INPPL1: variants seen among roughly 807,000 people sequenced by gnomAD.
The protein encoded by INPPL1 is phosphatidylinositol 3,4,5-trisphosphate 5-phosphatase 2.
Under a neutral mutation model 139.3 loss-of-function variants are expected in INPPL1, and 91 were observed. The observed-to-expected ratio is 0.65, with a 90% CI of 0.55 to 0.78. The LOEUF is 0.78. INPPL1 is among the 30% of genes least tolerant of loss of function. The probability of loss-of-function intolerance (pLI) is 0.00; values close to 1 mark genes in which losing one functional copy is unlikely to be tolerated. For missense variants in INPPL1, 1,411 were observed against 1,665.6 expected (o/e 0.85, Z 2.66); for synonymous variants, 719 against 686.6 (o/e 1.05, Z -0.74).
chr11:72,228,534 G>T lies in INPPL1; in HGVS notation c.397+36G>T. On this transcript the variant is annotated intron_variant, in intron 3 of 27. Transcript: ENST00000298229. This position sits in a 1 kb window ranked among gnomAD's most constrained non-coding sequence, Gnocchi z 5.0. ...GTGTGCAGGTCCCCTCCCTGCCCCT[G>T]TCCCTTGGCTCTACCTGCCTCTTCC... The T allele has an allele frequency of 6.3e-7, 1 of 1,597,636 alleles. No individual in the cohort carries two copies.
intron 13 of INPPL1, among the ~76,000 whole-genome samples, chr11:72,232,038 C>A (rs1948848918): frequency 6.6e-6 from 1 of 152,162 alleles, no homozygotes; most frequent in East Asian, 1.9e-4. Context: ...CAGACTCAGG[C>A]CATCCACACA....
Position 72,234,796 on chromosome 11 carries a change from T to C in INPPL1, c.2415+181T>C, listed in dbSNP as rs576630463. Among the ~76,000 whole-genome samples the C allele has an allele frequency of 1.2e-4, 18 of 151,520 alleles. No homozygotes were observed. Among genetic ancestry groups the C allele is most frequent in the Admixed American group, 3.9e-4 (6 of 15,214 alleles). On this transcript the variant is annotated intron_variant, in intron 21 of 27. Transcript: ENST00000298229. This position sits in a 1 kb window ranked among gnomAD's most constrained non-coding sequence, Gnocchi z 4.2. Reference sequence around the variant, plus strand: ...ATGGGCATGAGTGAGGATAAAGGCGTTTGCTTTATTTTGGGAGTGTGGAAC... The same window carrying C: ...ATGGGCATGAGTGAGGATAAAGGCGCTTGCTTTATTTTGGGAGTGTGGAAC...
chr11:72,225,763 T>C (rs1316957411), intron 1 of INPPL1, among the ~76,000 whole-genome samples: 2 of 152,216 alleles, frequency 1.3e-5, no homozygotes, highest in Non-Finnish European at 2.9e-5. Context: ...GTTTGAGCCC[T>C]GGCTCTGGGC....
chr11:72,237,932 G>A (rs1036962914), intron 26 of INPPL1, 110 bp from the exon 27 acceptor site: 1 of 1,446,960 alleles, frequency 6.9e-7, no homozygotes, highest in Non-Finnish European at 9.1e-7. Flanking sequence ...GGAGACACAT[G>A]TATCAGCCCA....
chr11:72,226,177 C>CTTT (rs772547413), intron 1 of INPPL1, among the ~76,000 whole-genome samples: 7 of 129,798 alleles, frequency 5.4e-5, no homozygotes, highest in Non-Finnish European at 6.5e-5. Context: ...CAGGGGAGAC[C>CTTT]TTTTTTTTTT....
chr11:72,232,141 A>G, intron 13 of INPPL1, 99 bp from the exon 14 acceptor site: 1 of 949,290 alleles, frequency 1.1e-6, no homozygotes, highest in Non-Finnish European at 1.7e-6. Flanking sequence ...TGGTGGGCTC[A>G]GCGGGAGGAT....
Position 72,225,337 on chromosome 11 carries a change from G to A in INPPL1, c.182+171G>A, listed in dbSNP as rs551482729. The A allele has an allele frequency of 1.5e-5, 15 of 985,428 alleles. No homozygotes were observed. In the African/African-American group the frequency reaches 2.6e-4, roughly 17 times the overall value. 61.0% of individuals were successfully genotyped at this position (985,428 alleles called of 1,614,324 possible). ...CCTGGGTCTGAGGAGGGACGCAGGG[G>A]CACTTCCTGCTGTGTGTCTGGGGGC... is the stretch of plus-strand genomic sequence containing the variant. On this transcript the variant is annotated intron_variant, in intron 1 of 27. Coordinates refer to ENST00000298229, the MANE Select transcript of INPPL1 (RefSeq NM_001567.4).
chr11:72,238,480 A>AT lies in INPPL1; in HGVS notation c.*130dup. 1.4e-6 allele frequency: 1 copy of AT among 706,486 alleles called. No homozygotes were observed. 43.8% of individuals were successfully genotyped at this position (706,486 alleles called of 1,614,324 possible). A position where few individuals can be genotyped will look rare whatever the true frequency, so the allele number is the denominator to read the frequency against. ...TCTCTGCCTATTTATTGGGGTGCCT[A>AT]TTTATTGGGGATCTGCATTCCCCGC... On this transcript the variant is annotated 3_prime_UTR_variant, in exon 28 of 28. Transcript: ENST00000298229.
At position 72,234,969 on chromosome 11, in the gene INPPL1, A is replaced by G. The variant is rs1948943680; in HGVS notation, c.2416-147A>G. ...GTATAGGGCTGTGTCTTCTGCATTAAGGATTTGGCTCTTCTCTGAAGAGTT... is the reference window on the plus strand; with the variant it reads ...GTATAGGGCTGTGTCTTCTGCATTAGGGATTTGGCTCTTCTCTGAAGAGTT... On this transcript the variant is annotated intron_variant, in intron 21 of 27. Coordinates refer to ENST00000298229, the MANE Select transcript of INPPL1 (RefSeq NM_001567.4). This position sits in a 1 kb window ranked among gnomAD's most constrained non-coding sequence, Gnocchi z 4.2. 1 of 667,990 alleles carries G rather than the reference A, an allele frequency of 1.5e-6. No individual in the cohort carries two copies. Among genetic ancestry groups the G allele is most frequent in the Non-Finnish European group, 2.6e-6 (1 of 380,050 alleles). The allele number at this position is 667,990 out of a possible 1,614,324, so 41.4% of individuals were successfully genotyped here. A position where few individuals can be genotyped will look rare whatever the true frequency, so the allele number is the denominator to read the frequency against.
At position 72,230,826 on chromosome 11, in the gene INPPL1, C is replaced by A; in HGVS notation, c.1228C>A (p.Leu410Ile). 6.2e-7 allele frequency: 1 copy of A among 1,614,022 alleles called. No individual in the cohort carries two copies. Among genetic ancestry groups the A allele is most frequent in the South Asian group, 1.1e-5 (1 of 91,078 alleles). Residue 410 changes from leucine to isoleucine, a missense_variant, in exon 11 of 28, where the codon CTC becomes ATC. Transcript: ENST00000298229. ...KREAFCQLLQ[L>I]MKNKHSKQDE... ...GGAGGCCTTCTGCCAGCTGTTGCAGCTCATGAAGAACAAGCACTCCAAGCA... is the reference window on the plus strand; with the variant it reads ...GGAGGCCTTCTGCCAGCTGTTGCAGATCATGAAGAACAAGCACTCCAAGCA...
chr11:72,227,637 C>T (rs1948709985), intron 1 of INPPL1, among the ~76,000 whole-genome samples: 1 of 152,170 alleles, frequency 6.6e-6, no homozygotes, highest in Non-Finnish European at 1.5e-5. Flanking sequence ...GCTTGGGGCT[C>T]CTAGAGGCCC....
In INPPL1 at chr11:72,233,739, A is replaced by G. The variant is rs1484070254; in HGVS notation, c.2207A>G (p.Lys736Arg). 14 of 1,613,658 alleles carry G rather than the reference A, an allele frequency of 8.7e-6. No individual in the cohort carries two copies. The highest frequency in any genetic ancestry group is 1.2e-5 in the Non-Finnish European group (14 of 1,179,666). ...EVGVTSQFIS[K>R]KGLSKTSDQA... is the part of the protein sequence containing the mutation. Reference sequence around the variant, plus strand: ...GGAGTTACCTCCCAGTTCATCTCCAAGAAAGGTGACTGTTCCAGATATGCT... The same window carrying G: ...GGAGTTACCTCCCAGTTCATCTCCAGGAAAGGTGACTGTTCCAGATATGCT... Residue 736 changes from lysine (K) to arginine (R), a missense_variant, in exon 19 of 28, where the codon AAG becomes AGG. Coordinates refer to ENST00000298229, the MANE Select transcript of INPPL1 (RefSeq NM_001567.4).
chr11:72,223,885 C>T (rs1245890742), upstream of INPPL1: 3 of 151,520 alleles, frequency 2.0e-5, no homozygotes, highest in African/African-American at 7.3e-5. Flanking sequence ...GGGGCGCGCG[C>T]GGATGGCCAT....
At chr11:72,225,644 G>T in intron 1 of INPPL1, 4 of 492,970 alleles carry the variant, frequency 8.1e-6, no homozygotes, top group Non-Finnish European at 1.1e-5. Context: ...CTGCCTGGCC[G>T]TGTATGGGTG....
In INPPL1 at chr11:72,227,582, TC is replaced by T. The variant is rs137971359; in HGVS notation, c.183-607del. On this transcript the variant is annotated intron_variant, in intron 1 of 27. Transcript: ENST00000298229. ...TGCACCTGGCTCAGCTGCCACCTGC[TC>T]AACTGCGGCTCCTGTCTGTCAGCAC... 2.2e-3 allele frequency among the ~76,000 whole-genome samples: 338 copies of T among 152,196 alleles called. 2 individuals carry two copies. Among genetic ancestry groups the T allele is most frequent in the African/African-American group, 7.5e-3 (313 of 41,516 alleles).
At position 72,238,692 on chromosome 11, in the gene INPPL1, C is replaced by T; in HGVS notation, c.*339C>T. ...CCATTTGGGTACGTCTGGGCCCCCA[C>T]TTTCACCAGTTTCTGCGGCCTTCCA... On this transcript the variant is annotated 3_prime_UTR_variant, in exon 28 of 28. Transcript: ENST00000298229. The T allele has an allele frequency of 5.3e-6, 1 of 187,982 alleles. No homozygotes were observed. The highest frequency in any genetic ancestry group is 1.1e-5 in the Non-Finnish European group (1 of 91,528). 11.6% of individuals were successfully genotyped at this position (187,982 alleles called of 1,614,324 possible).
Position 72,225,124 on chromosome 11 carries a change from G to C in INPPL1, c.140G>C (p.Arg47Pro). The part of the protein sequence containing the change: ...RAGRDGSFLV[R>P]DSESVAGAFA... ...GGCCGCGATGGCAGCTTCCTGGTCCGAGACAGCGAGAGCGTGGCGGGGGCC... is the reference window on the plus strand; with the variant it reads ...GGCCGCGATGGCAGCTTCCTGGTCCCAGACAGCGAGAGCGTGGCGGGGGCC... Residue 47 changes from arginine (R) to proline (P), a missense_variant, in exon 1 of 28, where the codon CGA becomes CCA. Arg to Pro is a moderately radical substitution (Grantham distance 103). This residue lies in a region of INPPL1 where 504 missense variants were observed against 595.6 expected (regional missense o/e 0.85). Coordinates refer to ENST00000298229, the MANE Select transcript of INPPL1 (RefSeq NM_001567.4). 1 of 1,234,208 alleles carries C rather than the reference G, an allele frequency of 8.1e-7. No homozygotes were observed. Among genetic ancestry groups the C allele is most frequent in the Non-Finnish European group, 1.0e-6 (1 of 989,178 alleles). 76.5% of individuals were successfully genotyped at this position (1,234,208 alleles called of 1,614,324 possible).
chr11:72,231,438 A>AG, intron 12 of INPPL1, 60 bp from the exon 13 acceptor site: 2 of 1,296,984 alleles, frequency 1.5e-6, no homozygotes, highest in Non-Finnish European at 2.2e-6. Context: ...TTTATAGTGC[A>AG]GGGGGAAATG....
Position 72,231,155 on chromosome 11 carries a change from G to T in INPPL1, c.1463G>T (p.Gly488Val). Residue 488 changes from glycine (G) to valine (V), a missense_variant, in exon 12 of 28, where the codon GGC (glycine) becomes GTC (valine). Physicochemically the swap from Gly to Val is moderately radical, Grantham distance 109. Around this residue, in one of 5 missense-constraint regions of INPPL1, gnomAD observed 363 missense variants for 446.2 expected, o/e 0.81. Coordinates refer to ENST00000298229, the MANE Select transcript of INPPL1 (RefSeq NM_001567.4). ...GAGTGGCTGGACCTACTGCGCGGGGGCCTCAAGGAGCTTACGGATCTGGAT... is the reference window on the plus strand; with the variant it reads ...GAGTGGCTGGACCTACTGCGCGGGGTCCTCAAGGAGCTTACGGATCTGGAT... Reference protein sequence around the residue: ...DREWLDLLRGGLKELTDLDYR... With the variant: ...DREWLDLLRGVLKELTDLDYR... 1 of 1,613,384 alleles carries T rather than the reference G, an allele frequency of 6.2e-7. No homozygotes were observed. The highest frequency in any genetic ancestry group is 1.1e-5 in the South Asian group (1 of 91,072).
Sources: allele counts gnomAD v4.1 joint callset (sites outside exome capture counted in the v4.1 genomes callset), GRCh38; gene constraint gnomAD v4.1.1; regional missense constraint gnomAD v4.1.1; non-coding constraint Gnocchi (gnomAD v3.1); transcripts MANE v1.5; gene names NCBI Gene and HGNC (gene_info 2026-07-23, HGNC 2026-07-21).